Variants in MSRA observed in about 807,000 individuals in gnomAD.
MSRA encodes the protein methionine sulfoxide reductase A, also known as mitochondrial peptide methionine sulfoxide reductase.
A neutral mutation model predicts 31.3 loss-of-function variants in MSRA; 54 were observed. The ratio of observed to expected loss-of-function variants is 1.73; its 90% CI spans 1.39 to 2.17. The LOEUF is 2.17. Ranked by LOEUF, MSRA falls within the 30% of genes most tolerant of loss-of-function variation. MSRA has a pLI of 0.00. For missense variants in MSRA, 507 were observed against 300.9 expected (o/e 1.69, Z -5.07); for synonymous variants, 169 against 116.5 (o/e 1.45, Z -2.90).
intron 5 of MSRA, among the ~76,000 whole-genome samples, chr8:10,341,431 T>C (rs1355885730): frequency 6.6e-6 from 1 of 152,202 alleles, no homozygotes; most frequent in African/African-American, 2.4e-5. Context: ...CACCAAAGAA[T>C]GGTCCAAGCC....
chr8:10,095,254 A>T (rs1799075909), intron 1 of MSRA, among the ~76,000 whole-genome samples: 1 of 152,222 alleles, frequency 6.6e-6, no homozygotes, highest in Non-Finnish European at 1.5e-5. Flanking sequence ...GCATATGGAC[A>T]TTTCTAGGGA....
At chr8:10,079,524 A>G (rs1798174441) in intron 1 of MSRA, among the ~76,000 whole-genome samples, 1 of 152,184 alleles carries the variant, frequency 6.6e-6, no homozygotes, top group Non-Finnish European at 1.5e-5. Context: ...TCTCACTAGC[A>G]GCCATGACGT....
At chr8:10,389,928 G>A (rs1353562774) in intron 5 of MSRA, among the ~76,000 whole-genome samples, 2 of 151,974 alleles carry the variant, frequency 1.3e-5, no homozygotes, top group Non-Finnish European at 1.5e-5. Flanking sequence ...AGGCCCAAAC[G>A]GTCAGATTCT....
intron 1 of MSRA, among the ~76,000 whole-genome samples, chr8:10,151,119 C>A (rs989765948): frequency 1.3e-5 from 2 of 151,614 alleles, no homozygotes; most frequent in African/African-American, 4.9e-5. Flanking sequence ...TCCATGCCTA[C>A]TTGTGGAGGG....
intron 2 of MSRA, among the ~76,000 whole-genome samples, chr8:10,210,607 A>G (rs1324489057): frequency 6.6e-6 from 1 of 152,200 alleles, no homozygotes; most frequent in Non-Finnish European, 1.5e-5. Flanking sequence ...AATGCACAGG[A>G]GGATGTCTTA....
At chr8:10,333,816 C>T (rs760027897) in intron 5 of MSRA, among the ~76,000 whole-genome samples, 2 of 152,214 alleles carry the variant, frequency 1.3e-5, no homozygotes, top group East Asian at 3.9e-4. Context: ...CCCACCCCCC[C>T]CACGCTGAGT....
chr8:10,330,398 C>A (rs1220281498), intron 5 of MSRA, among the ~76,000 whole-genome samples: 3 of 152,096 alleles, frequency 2.0e-5, no homozygotes, highest in African/African-American at 7.2e-5. Context: ...CCAGATAATT[C>A]CCCAGCAAGA....
At chr8:10,231,928 A>G (rs1459088198) in intron 2 of MSRA, among the ~76,000 whole-genome samples, 1 of 152,090 alleles carries the variant, frequency 6.6e-6, no homozygotes, top group East Asian at 1.9e-4. Context: ...TAAAAATAAA[A>G]ATAAAAGGGT....
intron 1 of MSRA, among the ~76,000 whole-genome samples, chr8:10,142,959 T>G (rs1006916788): frequency 2.0e-5 from 3 of 152,136 alleles, no homozygotes; most frequent in Non-Finnish European, 2.9e-5. Flanking sequence ...ACCTTCCTTT[T>G]CCCAGTTCCC....
At chr8:10,342,847 T>G (rs1252738473) in intron 5 of MSRA, among the ~76,000 whole-genome samples, 1 of 152,214 alleles carries the variant, frequency 6.6e-6, no homozygotes, top group Non-Finnish European at 1.5e-5. Context: ...AAAGACAGCT[T>G]GGTTCCAATC....
chr8:10,159,049 A>T (rs1804412114), intron 1 of MSRA, among the ~76,000 whole-genome samples: 1 of 152,242 alleles, frequency 6.6e-6, no homozygotes, highest in African/African-American at 2.4e-5. Flanking sequence ...CGTATCAAAG[A>T]GGATGGATGA....
chr8:10,343,490 G>C (rs1451537820), intron 5 of MSRA, among the ~76,000 whole-genome samples: 1 of 152,094 alleles, frequency 6.6e-6, no homozygotes, highest in East Asian at 1.9e-4. Context: ...TCTTTTTCTT[G>C]TTTTTCCCCC....
In MSRA at chr8:10,317,484, G is replaced by A. The variant is rs1585450022; in HGVS notation, c.437-2399G>A. On this transcript the variant is annotated intron_variant, in intron 4 of 5. Transcript: ENST00000317173. ...GGAGAGAAACCTCAGAGCAGTCTTA[G>A]GGTTGTTTGTCCCTTTAAAATCTTC... Among the ~76,000 whole-genome samples, 3 of 152,270 alleles carry A rather than the reference G, an allele frequency of 2.0e-5. 1 individual carries two copies. In the Middle Eastern group the frequency reaches 0.01, roughly 518 times the overall value.
chr8:10,349,983 C>T (rs950636033), intron 5 of MSRA, among the ~76,000 whole-genome samples: 2 of 152,252 alleles, frequency 1.3e-5, no homozygotes, highest in Admixed American at 6.5e-5. Context: ...CCAGCTACCG[C>T]TGAAGCTTGT....
chr8:10,144,189 C>T (rs1447989763), intron 1 of MSRA, among the ~76,000 whole-genome samples: 3 of 152,054 alleles, frequency 2.0e-5, no homozygotes, highest in Non-Finnish European at 4.4e-5. Flanking sequence ...GTGCCATGTT[C>T]TAGGTTAGGT....
At chr8:10,393,061 CAAAAAA>C (rs768294679) in intron 5 of MSRA, among the ~76,000 whole-genome samples, 3 of 77,696 alleles carry the variant, frequency 3.9e-5, no homozygotes, top group Non-Finnish European at 6.8e-5. Flanking sequence ...GACTCCGTCT[CAAAAAA>C]AAAAAAAAAA....
At chr8:10,333,781 G>A (rs1802849073) in intron 5 of MSRA, among the ~76,000 whole-genome samples, 2 of 151,162 alleles carry the variant, frequency 1.3e-5, no homozygotes, top group Admixed American at 6.6e-5. Context: ...TGACCCTTAT[G>A]AGAGTTTCCA....
intron 3 of MSRA, among the ~76,000 whole-genome samples, chr8:10,262,385 GTGT>G (rs771794684): frequency 3.9e-5 from 6 of 152,192 alleles, no homozygotes; most frequent in Non-Finnish European, 7.3e-5. Flanking sequence ...CCAGCATTTG[GTGT>G]TGTTGGTGTT....
At chr8:10,304,430 T>G (rs996968979) in intron 4 of MSRA, among the ~76,000 whole-genome samples, 29 of 152,362 alleles carry the variant, frequency 1.9e-4, no homozygotes, top group African/African-American at 6.5e-4. Context: ...AACAAGTATG[T>G]GTTAGCACTT....
Sources: allele counts gnomAD v4.1 joint callset (sites outside exome capture counted in the v4.1 genomes callset), GRCh38; gene constraint gnomAD v4.1.1; transcripts MANE v1.5; gene names NCBI Gene and HGNC (gene_info 2026-07-23, HGNC 2026-07-21).